Variants in IGFL2 observed in about 807,000 individuals in gnomAD.
IGFL2 encodes IGF like family member 2.
Under a neutral mutation model 13.9 loss-of-function variants are expected in IGFL2, and 7 were observed. That is an observed-to-expected ratio of 0.51 (90% CI 0.29 to 0.95). IGFL2 has a LOEUF of 0.95. IGFL2 is among the 40% of genes least tolerant of loss of function. The pLI, the probability that IGFL2 is intolerant of heterozygous loss-of-function variation, is 0.08. For missense variants in IGFL2, 138 were observed against 147.8 expected (o/e 0.93, Z 0.34); for synonymous variants, 55 against 55.8 (o/e 0.99, Z 0.07).
chr19:46,116,069 T>C, the IGFL2 span, among the ~76,000 whole-genome samples: 1 of 152,224 alleles, frequency 6.6e-6, no homozygotes, highest in African/African-American at 2.4e-5. Flanking sequence ...TTTGGATTGT[T>C]CATTTCCCAA....
At chr19:46,124,714 C>G in the IGFL2 span, 1 of 1,406,552 alleles carries the variant, frequency 7.1e-7, no homozygotes. Flanking sequence ...ATGGAGACAG[C>G]CTAAATGGGG....
chr19:46,126,370 GCT>G, the IGFL2 span, among the ~76,000 whole-genome samples: 7 of 152,130 alleles, frequency 4.6e-5, no homozygotes, highest in African/African-American at 1.7e-4. Flanking sequence ...ATTCTAAGCT[GCT>G]GACACCCATA....
intron 1 of IGFL2, among the ~76,000 whole-genome samples, chr19:46,149,304 TCCCCCTCCCCCTCC>T (rs1973341535): frequency 2.1e-5 from 1 of 47,598 alleles, no homozygotes; most frequent in Non-Finnish European, 3.8e-5. Context: ...TCTTCCCCTC[TCCCCCTCCCCCTCC>T]CCTCCCCATC....
the IGFL2 span, among the ~76,000 whole-genome samples, chr19:46,090,443 G>A: frequency 2.0e-5 from 3 of 152,120 alleles, no homozygotes; most frequent in Admixed American, 1.3e-4. Context: ...GTGGCCACAC[G>A]TCAACATCTG....
chr19:46,096,833 A>G, the IGFL2 span, among the ~76,000 whole-genome samples: 40 of 152,222 alleles, frequency 2.6e-4, no homozygotes, highest in South Asian at 1.0e-3. Context: ...ACTGATTTGC[A>G]TATGTTGAAC....
At chr19:46,131,548 C>A in the IGFL2 span, among the ~76,000 whole-genome samples, 1 of 152,230 alleles carries the variant, frequency 6.6e-6, no homozygotes, top group Non-Finnish European at 1.5e-5. Flanking sequence ...TTATCGACTT[C>A]TTTTTTTATT....
the IGFL2 span, among the ~76,000 whole-genome samples, chr19:46,103,626 CACTT>C: frequency 6.6e-6 from 1 of 152,044 alleles, no homozygotes; most frequent in African/African-American, 2.4e-5. Context: ...AGGGGCACGA[CACTT>C]ATGAGTAGTT....
At chr19:46,123,860 G>C in the IGFL2 span, 1 of 1,584,822 alleles carries the variant, frequency 6.3e-7, no homozygotes, top group Non-Finnish European at 8.6e-7. Context: ...CATTCCTTTA[G>C]TTAAGAGCAA....
chr19:46,211,811 A>C, the IGFL2 span: 1 of 152,054 alleles, frequency 6.6e-6, no homozygotes, highest in Non-Finnish European at 1.5e-5. Context: ...GACACTCCTG[A>C]ATGATACCCA....
the IGFL2 span, among the ~76,000 whole-genome samples, chr19:46,128,331 T>C: frequency 6.6e-6 from 1 of 152,128 alleles, no homozygotes; most frequent in Non-Finnish European, 1.5e-5. Flanking sequence ...TAGATGCCCT[T>C]TATTTCTTTC....
At chr19:46,203,265 G>C in the IGFL2 span, among the ~76,000 whole-genome samples, 1 of 152,182 alleles carries the variant, frequency 6.6e-6, no homozygotes, top group Non-Finnish European at 1.5e-5. Context: ...GGGTGGGGCA[G>C]GAGCAAATCA....
At chr19:46,111,956 A>C in the IGFL2 span, 1 of 152,244 alleles carries the variant, frequency 6.6e-6, no homozygotes, top group African/African-American at 2.4e-5. Context: ...ATTATGATGA[A>C]ATGGTGAAAC....
chr19:46,114,589 A>G, the IGFL2 span, among the ~76,000 whole-genome samples: 2 of 152,182 alleles, frequency 1.3e-5, no homozygotes, highest in Non-Finnish European at 2.9e-5. Flanking sequence ...TGATTGGATC[A>G]TGGGGGCAGT....
intron 1 of IGFL2, among the ~76,000 whole-genome samples, chr19:46,149,868 G>A (rs1303695536): frequency 6.6e-6 from 1 of 152,112 alleles, no homozygotes; most frequent in Non-Finnish European, 1.5e-5. Flanking sequence ...TTGAGAACCT[G>A]TTTTCAGTTA....
the IGFL2 span, among the ~76,000 whole-genome samples, chr19:46,130,698 G>A: frequency 6.6e-6 from 1 of 152,086 alleles, no homozygotes; most frequent in East Asian, 1.9e-4. Context: ...TTGGATGAAG[G>A]TTCCCAGTAT....
the IGFL2 span, among the ~76,000 whole-genome samples, chr19:46,128,850 T>C: frequency 2.0e-5 from 3 of 152,336 alleles, no homozygotes; most frequent in East Asian, 1.9e-4. Flanking sequence ...AGGATGATGC[T>C]GGCCTCATAG....
At chr19:46,079,265 G>C in the IGFL2 span, among the ~76,000 whole-genome samples, 19 of 152,270 alleles carry the variant, frequency 1.2e-4, no homozygotes, top group African/African-American at 1.7e-4. Context: ...GTTCATGGCT[G>C]GGGCTGCTCG....
At chr19:46,156,191 A>G (rs1425357427) in intron 1 of IGFL2, among the ~76,000 whole-genome samples, 1 of 152,182 alleles carries the variant, frequency 6.6e-6, no homozygotes, top group Non-Finnish European at 1.5e-5. Context: ...TTGAGTTTGC[A>G]TTGAATTTAT....
At chr19:46,084,722 A>G in the IGFL2 span, among the ~76,000 whole-genome samples, 309 of 152,288 alleles carry the variant, frequency 2.0e-3, 2 homozygotes, top group African/African-American at 6.4e-3. Flanking sequence ...CTTATCACCA[A>G]GGGATGGCAC....
Sources: allele counts gnomAD v4.1 joint callset (sites outside exome capture counted in the v4.1 genomes callset), GRCh38; gene constraint gnomAD v4.1.1; transcripts MANE v1.5; gene names NCBI Gene and HGNC (gene_info 2026-07-23, HGNC 2026-07-21).